ST6GAL1: variants seen among roughly 807,000 people sequenced by gnomAD.
ST6GAL1 encodes ST6 beta-galactoside alpha-2,6-sialyltransferase 1, also known as beta-galactoside alpha-2,6-sialyltransferase 1.
ST6GAL1 carries 20 observed loss-of-function variants against 38.0 expected under a neutral mutation model. That is an observed-to-expected ratio of 0.53 (90% CI 0.37 to 0.77). ST6GAL1 has a LOEUF of 0.77. Ranked by LOEUF, ST6GAL1 falls within the 30% of genes least tolerant of loss-of-function variation. The pLI is 0.00. For missense variants in ST6GAL1, 432 were observed against 496.4 expected (o/e 0.87, Z 1.23); for synonymous variants, 196 against 188.2 (o/e 1.04, Z -0.34).
chr3:186,946,204 C>T (rs1189931523), intron 1 of ST6GAL1, among the ~76,000 whole-genome samples: 4 of 150,960 alleles, frequency 2.6e-5, no homozygotes, highest in Non-Finnish European at 4.4e-5. Flanking sequence ...CTCGGCTGCT[C>T]GGTGGGGCTG....
intron 2 of ST6GAL1, among the ~76,000 whole-genome samples, chr3:187,031,312 C>A (rs1717741840): frequency 6.6e-6 from 1 of 152,190 alleles, no homozygotes; most frequent in Non-Finnish European, 1.5e-5. Context: ...TTTAGAGTGC[C>A]ATTCTACTTA....
At position 187,038,197 on chromosome 3, in the gene ST6GAL1, C is replaced by CT. The variant is rs1185371884; in HGVS notation, c.-182-524dup. On this transcript the variant is annotated intron_variant, in intron 2 of 7. Coordinates refer to ENST00000169298, the MANE Select transcript of ST6GAL1 (RefSeq NM_173216.2). ...TTCTTATCTGGTGTCAAGTCTATTT[C>CT]TTTTTTTTTTTTTTTTTTTTTCTTT... Among the ~76,000 whole-genome samples the CT allele has an allele frequency of 7.7e-3, 680 of 88,446 alleles. 7 individuals carry two copies. Among genetic ancestry groups the CT allele is most frequent in the East Asian group, 0.05 (173 of 3,468 alleles). 58.0% of individuals were successfully genotyped at this position (88,446 alleles called of 152,430 possible). A position where few individuals can be genotyped will look rare whatever the true frequency, so the allele number is the denominator to read the frequency against.
intron 2 of ST6GAL1, among the ~76,000 whole-genome samples, chr3:187,026,217 A>G (rs1401609411): frequency 6.6e-6 from 1 of 152,198 alleles, no homozygotes; most frequent in African/African-American, 2.4e-5. Flanking sequence ...CTTGTCAGAA[A>G]TGTTTTGACA....
intron 2 of ST6GAL1, chr3:187,006,428 G>A (rs1461559298): frequency 5.3e-5 from 8 of 152,186 alleles, no homozygotes; most frequent in Non-Finnish European, 8.8e-5. Context: ...ATAGGAAGAG[G>A]TGAAAATAGA....
At position 187,020,961 on chromosome 3, in the gene ST6GAL1, G is replaced by GTT. The variant is rs139348671; in HGVS notation, c.-182-17771_-182-17770dup. On this transcript the variant is annotated intron_variant, in intron 2 of 7. Coordinates refer to ENST00000169298, the MANE Select transcript of ST6GAL1 (RefSeq NM_173216.2). Reference sequence around the variant, plus strand: ...CGGTGTTAGGATATATGTATTGGTGGTTTTTTTTTTTGTTTTTTTTTGAGA... The same window carrying GTT: ...CGGTGTTAGGATATATGTATTGGTGGTTTTTTTTTTTTTGTTTTTTTTTGAGA... Among the ~76,000 whole-genome samples the GTT allele has an allele frequency of 9.1e-3, 1,331 of 146,792 alleles. 10 individuals carry two copies. Among genetic ancestry groups the GTT allele is most frequent in the Middle Eastern group, 0.014 (4 of 290 alleles).
intron 5 of ST6GAL1, chr3:187,071,921 T>C (rs1375538808): frequency 6.6e-6 from 1 of 152,180 alleles, no homozygotes; most frequent in Non-Finnish European, 1.5e-5. Context: ...TTGCAAATAC[T>C]TTTCTTTATT....
intron 2 of ST6GAL1, among the ~76,000 whole-genome samples, chr3:187,034,033 A>G (rs1341894366): frequency 6.6e-6 from 1 of 152,178 alleles, no homozygotes; most frequent in African/African-American, 2.4e-5. Context: ...AAAGAAGAAA[A>G]GAGAGAAGAT....
At chr3:187,009,809 C>G (rs12633034) in intron 2 of ST6GAL1, among the ~76,000 whole-genome samples, 115,387 of 151,920 alleles carry the variant, frequency 0.76, 44,061 homozygotes, top group East Asian at 0.9. Flanking sequence ...TTCAAGACCA[C>G]CCTGGCCAAG....
intron 2 of ST6GAL1, chr3:187,021,755 A>T (rs1029092144): frequency 6.6e-6 from 1 of 152,020 alleles, no homozygotes; most frequent in Non-Finnish European, 1.5e-5. Flanking sequence ...AAAAAAAAAA[A>T]AAAAAACCTT....
At chr3:186,999,748 G>A (rs755286215) in intron 2 of ST6GAL1, among the ~76,000 whole-genome samples, 2 of 152,134 alleles carry the variant, frequency 1.3e-5, no homozygotes, top group Non-Finnish European at 2.9e-5. Context: ...TGGAGTAGGA[G>A]GGCCATGTGC....
chr3:186,999,672 G>C (rs1379367077), intron 2 of ST6GAL1, among the ~76,000 whole-genome samples: 2 of 152,062 alleles, frequency 1.3e-5, no homozygotes, highest in African/African-American at 4.8e-5. Context: ...GCCTCCTAAA[G>C]CACTGGGATT....
intron 4 of ST6GAL1, among the ~76,000 whole-genome samples, chr3:187,048,286 G>A (rs1284495065): frequency 6.6e-6 from 1 of 151,970 alleles, no homozygotes; most frequent in Non-Finnish European, 1.5e-5. Flanking sequence ...TTCATACCTG[G>A]GCCCCCATGT....
intron 2 of ST6GAL1, among the ~76,000 whole-genome samples, chr3:187,001,046 G>A (rs901030077): frequency 6.6e-6 from 1 of 152,210 alleles, no homozygotes; most frequent in Non-Finnish European, 1.5e-5. Context: ...GAGAAGGTGG[G>A]TTACACAGCT....
chr3:186,967,647 TGGAGG>T (rs1715194277), intron 2 of ST6GAL1, among the ~76,000 whole-genome samples: 1 of 152,054 alleles, frequency 6.6e-6, no homozygotes, highest in African/African-American at 2.4e-5. Context: ...CACTGCTACG[TGGAGG>T]TGGTGCCCTG....
intron 2 of ST6GAL1, among the ~76,000 whole-genome samples, chr3:187,038,107 C>T (rs1258402604): frequency 1.3e-5 from 2 of 151,970 alleles, no homozygotes; most frequent in Non-Finnish European, 2.9e-5. Flanking sequence ...TACCTCCAAG[C>T]CAGCAATTAA....
intron 2 of ST6GAL1, among the ~76,000 whole-genome samples, chr3:187,027,157 C>T (rs1199586483): frequency 4.6e-5 from 7 of 152,076 alleles, no homozygotes; most frequent in African/African-American, 1.7e-4. Flanking sequence ...GAAATACAAG[C>T]CCCATTTTAA....
chr3:187,028,669 G>T (rs755549808), intron 2 of ST6GAL1, among the ~76,000 whole-genome samples: 1 of 152,014 alleles, frequency 6.6e-6, no homozygotes, highest in African/African-American at 2.4e-5. Flanking sequence ...TGTCCCCAAG[G>T]TGAATCAAAC....
chr3:187,066,051 A>G (rs577602901), intron 5 of ST6GAL1, among the ~76,000 whole-genome samples: 1 of 152,254 alleles, frequency 6.6e-6, no homozygotes, highest in Non-Finnish European at 1.5e-5. Context: ...AAGATACTGA[A>G]AGACAGGTAT....
chr3:187,013,122 A>G (rs1271876212), intron 2 of ST6GAL1, among the ~76,000 whole-genome samples: 1 of 152,232 alleles, frequency 6.6e-6, no homozygotes, highest in Non-Finnish European at 1.5e-5. Flanking sequence ...TTAGCGTCTT[A>G]AGTGTTTCTT....
Sources: gnomAD v4.1 joint callset for allele counts (sites outside exome capture counted in the v4.1 genomes callset) on GRCh38, gnomAD v4.1.1 for gene constraint, MANE v1.5 for transcripts, NCBI Gene and HGNC (gene_info 2026-07-23, HGNC 2026-07-21) for gene names.